The following TDP1 variants were observed in gnomAD, a reference collection of about 807,000 sequenced individuals.
TDP1 encodes the protein tyr-DNA phosphodiesterase 1.
In TDP1, 64 loss-of-function variants were observed where a neutral mutation model predicts 81.5. The ratio of observed to expected loss-of-function variants is 0.79; its 90% CI spans 0.64 to 0.97. TDP1 has a LOEUF of 0.97. TDP1 is among the 50% of genes least tolerant of loss of function. The pLI, the probability that TDP1 is intolerant of heterozygous loss-of-function variation, is 0.00. For synonymous variants in TDP1, 256 were observed against 264.3 expected, an observed-to-expected ratio of 0.97 and a Z score of 0.30; for missense variants, 723 against 743.8, an observed-to-expected ratio of 0.97 and a Z score of 0.33.
chr14:90,021,119 C>T (rs900991163), intron 15 of TDP1, among the ~76,000 whole-genome samples: 1 of 152,152 alleles, frequency 6.6e-6, no homozygotes, highest in African/African-American at 2.4e-5. Context: ...AGAGCACCCA[C>T]CTTCCCAGCC....
intron 13 of TDP1, among the ~76,000 whole-genome samples, chr14:89,992,403 G>A (rs572706864): frequency 1.4e-4 from 22 of 152,270 alleles, no homozygotes; most frequent in African/African-American, 4.6e-4. Flanking sequence ...AGTATCTGGC[G>A]TGTTGTCAGA....
intron 14 of TDP1, among the ~76,000 whole-genome samples, chr14:90,013,539 G>A (rs762981711): frequency 2.0e-5 from 3 of 152,140 alleles, no homozygotes; most frequent in Non-Finnish European, 2.9e-5. Flanking sequence ...GGCCTCCCCC[G>A]CCATGTGCAA....
rs1167741092 is a variant in TDP1 at position 89,984,689 on chromosome 14, T to A, written c.1052+6T>A. 6.2e-7 allele frequency: 1 copy of A among 1,613,558 alleles called. No homozygotes were observed. Among genetic ancestry groups the A allele is most frequent in the Non-Finnish European group, 8.5e-7 (1 of 1,180,010 alleles). ...CACGATCTCTCTGAAACAAAGTATG[T>A]GTCAGCTTATCAATTTGGGGTGCTT... On this transcript the variant is annotated splice_donor_region_variant and intron_variant, in intron 9 of 16. Coordinates refer to ENST00000335725, the MANE Select transcript of TDP1 (RefSeq NM_018319.4).
At chr14:89,959,863 T>C (rs1892124908) in intron 2 of TDP1, among the ~76,000 whole-genome samples, 2 of 152,214 alleles carry the variant, frequency 1.3e-5, no homozygotes, top group African/African-American at 4.8e-5. Context: ...TCTCAGTGTT[T>C]GGAAATTCCA....
chr14:89,957,179 C>T (rs1891757827), intron 2 of TDP1: 1 of 152,166 alleles, frequency 6.6e-6, no homozygotes, highest in South Asian at 2.1e-4. Flanking sequence ...CCAAAGGTCA[C>T]CCCTATTTTT....
intron 14 of TDP1, among the ~76,000 whole-genome samples, chr14:89,999,667 A>G (rs1476219821): frequency 3.9e-5 from 6 of 152,244 alleles, no homozygotes; most frequent in Admixed American, 1.3e-4. Context: ...GACTTTTAAC[A>G]TGATAGACTT....
At chr14:90,007,382 A>G (rs182388568) in intron 14 of TDP1, among the ~76,000 whole-genome samples, 6 of 152,166 alleles carry the variant, frequency 3.9e-5, no homozygotes, top group Admixed American at 2.0e-4. Context: ...TGAGACCAGG[A>G]GTTCAAGACC....
chr14:89,985,665 G>A (rs972107901), intron 10 of TDP1, among the ~76,000 whole-genome samples: 2 of 152,186 alleles, frequency 1.3e-5, no homozygotes, highest in African/African-American at 4.8e-5. Context: ...GAAAATGCAC[G>A]AAGAAAGGTC....
chr14:90,029,498 C>CTTTT lies in TDP1; in HGVS notation c.1645-3594_1645-3591dup, dbSNP rs551041373. On this transcript the variant is annotated intron_variant, in intron 15 of 16. Transcript: ENST00000335725. The stretch of plus-strand genomic sequence containing the variant: ...ACAGGCATGAGCCACCGCACCCGGC[C>CTTTT]TTTTTTTTTTTTTTTTTGAGACAGA... 3.5e-3 allele frequency among the ~76,000 whole-genome samples: 425 copies of CTTTT among 122,772 alleles called. 9 individuals carry two copies. The highest frequency in any genetic ancestry group is 0.013 in the African/African-American group (406 of 30,116). 80.5% of individuals were successfully genotyped at this position (122,772 alleles called of 152,430 possible). A position where few individuals can be genotyped will look rare whatever the true frequency, so the allele number is the denominator to read the frequency against.
chr14:90,026,701 C>A (rs1300184104), intron 15 of TDP1, among the ~76,000 whole-genome samples: 2 of 151,890 alleles, frequency 1.3e-5, no homozygotes, highest in African/African-American at 4.8e-5. Context: ...TGAGTGAGAA[C>A]ATGTGGTGTT....
chr14:89,981,716 C>T (rs1894995194), intron 8 of TDP1, among the ~76,000 whole-genome samples: 2 of 152,038 alleles, frequency 1.3e-5, no homozygotes, highest in Admixed American at 6.6e-5. Flanking sequence ...GAGACGGTCT[C>T]ACTCTGTCAC....
At chr14:90,019,104 A>C (rs1394510563) in intron 14 of TDP1, 1 of 983,052 alleles carries the variant, frequency 1.0e-6, no homozygotes, top group Non-Finnish European at 1.2e-6. Flanking sequence ...TGAGGGTGAA[A>C]CTATCCCAAA....
chr14:90,032,571 A>G (rs1481502441), intron 15 of TDP1: 2 of 202,904 alleles, frequency 9.9e-6, no homozygotes, highest in Non-Finnish European at 1.7e-5. Flanking sequence ...AAGATCTAAA[A>G]TTAATACCCT....
chr14:89,980,559 T>C lies in TDP1; in HGVS notation c.811T>C (p.Tyr271His). 6.2e-7 allele frequency: 1 copy of C among 1,614,214 alleles called. No homozygotes were observed. The highest frequency in any genetic ancestry group is 1.1e-5 in the South Asian group (1 of 91,082). Reference sequence around the variant, plus strand: ...TTAAAGGAAAATGATGCTGCTGCTCTATGAAGAAGGCCTCCGGGTTGTCAT... The same window carrying C: ...TTAAAGGAAAATGATGCTGCTGCTCCATGAAGAAGGCCTCCGGGTTGTCAT... The part of the protein sequence containing the change: ...THHTKMMLLL[Y>H]EEGLRVVIHT... The change falls in exon 8 of 17, where the codon TAT (tyrosine) becomes CAT (histidine). Residue 271 changes from tyrosine to histidine, a missense_variant. Physicochemically the swap from Tyr to His is moderately conservative, Grantham distance 83 (BLOSUM62 2). Coordinates refer to ENST00000335725, the MANE Select transcript of TDP1 (RefSeq NM_018319.4).
chr14:89,980,245 A>G lies in TDP1; in HGVS notation c.792-295A>G, dbSNP rs36111607. 1.4e-3 allele frequency: 1,375 copies of G among 985,436 alleles called. 12 individuals carry two copies. The African/African-American group carries it at 0.022, about 16-fold the overall frequency. The allele number at this position is 985,436 out of a possible 1,614,324, so 61.0% of individuals were successfully genotyped here. A position where few individuals can be genotyped will look rare whatever the true frequency, so the allele number is the denominator to read the frequency against. ...CCAACGGTCCCTAGTAGTAACAGGT[A>G]ATGCTGAATAGATAATAAGGGGCCA... is the stretch of plus-strand genomic sequence containing the variant. On this transcript the variant is annotated intron_variant, in intron 7 of 16. Transcript: ENST00000335725.
chr14:89,971,142 G>GA, intron 5 of TDP1, 33 bp from the exon 6 acceptor site: 1 of 1,577,816 alleles, frequency 6.3e-7, no homozygotes, highest in Non-Finnish European at 8.7e-7. Flanking sequence ...GGCCATGAAT[G>GA]ATGTATATTA....
rs1214473793 is a variant in TDP1, at chr14:89,963,323, C to G, written c.209C>G (p.Ser70Ter). Residue 70 changes from serine to a stop codon, truncating the protein, a stop_gained, in exon 3 of 17, where the codon TCA becomes TGA. Coordinates refer to ENST00000335725, the MANE Select transcript of TDP1 (RefSeq NM_018319.4). LOFTEE classifies it high-confidence loss of function. ...ISPVKFSNTD[S>*]VLPPKRQKSG... ...CCTGTGAAATTCAGCAATACAGATT[C>G]AGTTTTACCTCCCAAAAGGCAGAAA... 1 of 1,614,188 alleles carries G rather than the reference C, an allele frequency of 6.2e-7. No homozygotes were observed. Among genetic ancestry groups the G allele is most frequent in the Admixed American group, 1.7e-5 (1 of 60,020 alleles).
At chr14:89,988,613 A>G in intron 10 of TDP1, 1 of 982,330 alleles carries the variant, frequency 1.0e-6, no homozygotes, top group Non-Finnish European at 1.2e-6. Context: ...GGTTTATCTG[A>G]AATTTCTTCT....
chr14:90,012,660 G>A (rs1884847379), intron 14 of TDP1, among the ~76,000 whole-genome samples: 1 of 152,002 alleles, frequency 6.6e-6, no homozygotes, highest in Non-Finnish European at 1.5e-5. Context: ...CAGTGCAGAA[G>A]AGAAATATGG....
Sources: gnomAD v4.1 joint callset for allele counts (sites outside exome capture counted in the v4.1 genomes callset) on GRCh38, gnomAD v4.1.1 for gene constraint, MANE v1.5 for transcripts, NCBI Gene and HGNC (gene_info 2026-07-23, HGNC 2026-07-21) for gene names.